Variants in MBNL1 observed in about 807,000 individuals in gnomAD.
MBNL1 encodes the protein muscleblind like splicing regulator 1.
A neutral mutation model predicts 42.2 loss-of-function variants in MBNL1; 8 were observed. The ratio of observed to expected loss-of-function variants is 0.19; its 90% CI spans 0.11 to 0.34. MBNL1 has a LOEUF of 0.34. MBNL1 is among the 10% of genes least tolerant of loss of function. MBNL1 has a pLI of 1.00. For missense variants in MBNL1, 309 were observed against 495.3 expected (o/e 0.62, Z 3.57); for synonymous variants, 169 against 173.9 (o/e 0.97, Z 0.22).
rs78274694 is a variant in MBNL1 at position 152,245,197 on chromosome 3, C to A, written n.333+757C>A. Among the ~76,000 whole-genome samples the A allele has an allele frequency of 3.3e-5, 5 of 152,142 alleles. No individual in the cohort carries two copies. The East Asian group carries it at 9.6e-4, about 29-fold the overall frequency. ...AGTGAAATTCTAAAATAATCTAGATCCTAGAAACTTTTATTCAAATTTGCA... is the reference window on the plus strand; with the variant it reads ...AGTGAAATTCTAAAATAATCTAGATACTAGAAACTTTTATTCAAATTTGCA... On this transcript the variant is annotated intron_variant and non_coding_transcript_variant, in intron 2 of 2. Transcript: ENST00000477171.
At chr3:152,406,312 A>G (rs1475738729) in intron 2 of MBNL1, among the ~76,000 whole-genome samples, 1 of 152,268 alleles carries the variant, frequency 6.6e-6, no homozygotes, top group African/African-American at 2.4e-5. Context: ...ATCACAAGCA[A>G]CTCTAAATAG....
intron 2 of MBNL1, among the ~76,000 whole-genome samples, chr3:152,252,168 C>CT (rs1037142533): frequency 3.4e-5 from 5 of 146,138 alleles, no homozygotes; most frequent in African/African-American, 1.3e-4. Flanking sequence ...TCCTTCCTTC[C>CT]TTCCTTCCTT....
At chr3:152,424,542 T>C (rs111645442) in intron 3 of MBNL1, among the ~76,000 whole-genome samples, 2 of 151,790 alleles carry the variant, frequency 1.3e-5, no homozygotes, top group African/African-American at 2.4e-5. Flanking sequence ...CAAGCTACCA[T>C]TGACTTTCTT....
chr3:152,302,820 T>C (rs1029048789), intron 2 of MBNL1, among the ~76,000 whole-genome samples: 5 of 152,116 alleles, frequency 3.3e-5, no homozygotes, highest in African/African-American at 1.2e-4. Context: ...TCCAGCCTTT[T>C]CTGAGTTCTT....
At chr3:152,442,402 A>G (rs2099156574) in intron 4 of MBNL1, among the ~76,000 whole-genome samples, 1 of 152,180 alleles carries the variant, frequency 6.6e-6, no homozygotes, top group Admixed American at 6.5e-5. Flanking sequence ...CTATAATTAC[A>G]ATTATTTTTA....
At chr3:152,356,853 T>A (rs2095555011) in intron 2 of MBNL1, among the ~76,000 whole-genome samples, 1 of 73,794 alleles carries the variant, frequency 1.4e-5, no homozygotes, top group Admixed American at 1.4e-4. Flanking sequence ...GGCATATGTG[T>A]GTAGTGTGTG....
Position 152,338,923 on chromosome 3 carries a change from G to A in MBNL1, c.174+38556G>A, listed in dbSNP as rs1384452293. On this transcript the variant is annotated intron_variant, in intron 2 of 9. Transcript: ENST00000324210. ...TTTAAATATTCAATTTTTTTTATTC[G>A]GACTCTGTGAAGCACTTTTTCACAA... Among the ~76,000 whole-genome samples, 6 of 151,242 alleles carry A rather than the reference G, an allele frequency of 4.0e-5. No homozygotes were observed. In the East Asian group the frequency reaches 7.7e-4, roughly 19 times the overall value.
At chr3:152,412,680 C>T (rs915831636) in intron 2 of MBNL1, among the ~76,000 whole-genome samples, 2 of 152,092 alleles carry the variant, frequency 1.3e-5, no homozygotes, top group African/African-American at 2.4e-5. Flanking sequence ...CGTGATTTCT[C>T]TCTGTTATTT....
intron 2 of MBNL1, among the ~76,000 whole-genome samples, chr3:152,320,932 G>A (rs953822443): frequency 1.3e-5 from 2 of 151,914 alleles, no homozygotes; most frequent in African/African-American, 4.8e-5. Flanking sequence ...TTCCAACTGT[G>A]AATACTTTAT....
chr3:152,419,685 T>TTTTGTTTGTTTG (rs137968164), intron 3 of MBNL1, among the ~76,000 whole-genome samples: 2 of 149,194 alleles, frequency 1.3e-5, no homozygotes, highest in African/African-American at 5.0e-5. Context: ...GCAGGAGTTT[T>TTTTGTTTGTTTG]TTTGTTTGTT....
intron 2 of MBNL1, among the ~76,000 whole-genome samples, chr3:152,366,298 T>C (rs1431149647): frequency 6.6e-6 from 1 of 152,148 alleles, no homozygotes; most frequent in Non-Finnish European, 1.5e-5. Flanking sequence ...ATATCTGTGA[T>C]TTCAGGACAT....
At chr3:152,429,881 T>A (rs573846193) in intron 3 of MBNL1, among the ~76,000 whole-genome samples, 7 of 152,214 alleles carry the variant, frequency 4.6e-5, no homozygotes, top group Non-Finnish European at 1.0e-4. Context: ...ATTGTCTGCC[T>A]GTTCGGCAAA....
At chr3:152,419,246 T>C (rs2098757892) in intron 3 of MBNL1, among the ~76,000 whole-genome samples, 1 of 152,086 alleles carries the variant, frequency 6.6e-6, no homozygotes, top group Non-Finnish European at 1.5e-5. Flanking sequence ...GTTTAATTAT[T>C]TAAATTTAAA....
At chr3:152,364,066 C>T (rs985780593) in intron 2 of MBNL1, among the ~76,000 whole-genome samples, 2 of 152,036 alleles carry the variant, frequency 1.3e-5, no homozygotes, top group African/African-American at 2.4e-5. Flanking sequence ...GCATTTTTTT[C>T]CCTACAATAC....
At chr3:152,274,222 A>T (rs2043550216) in intron 1 of MBNL1, among the ~76,000 whole-genome samples, 1 of 104,076 alleles carries the variant, frequency 9.6e-6, no homozygotes, top group Non-Finnish European at 2.2e-5. Flanking sequence ...TTCTAGATTT[A>T]TGGGGACATT....
At chr3:152,407,742 A>G (rs530064066) in intron 2 of MBNL1, among the ~76,000 whole-genome samples, 1 of 152,316 alleles carries the variant, frequency 6.6e-6, no homozygotes, top group South Asian at 2.1e-4. Context: ...ATGCCCATCA[A>G]TGATAGACTG....
chr3:152,301,672 A>G (rs2060773405), intron 2 of MBNL1, among the ~76,000 whole-genome samples: 1 of 152,316 alleles, frequency 6.6e-6, no homozygotes, highest in South Asian at 2.1e-4. Flanking sequence ...CAATAAGCAA[A>G]AGTTATAAAC....
At chr3:152,441,664 C>T (rs1055248193) in intron 4 of MBNL1, among the ~76,000 whole-genome samples, 3 of 152,150 alleles carry the variant, frequency 2.0e-5, no homozygotes, top group African/African-American at 7.2e-5. Flanking sequence ...TAAATGTTTT[C>T]AGTGAATATC....
chr3:152,275,785 G>C (rs1335884020), intron 1 of MBNL1, among the ~76,000 whole-genome samples: 1 of 150,746 alleles, frequency 6.6e-6, no homozygotes, highest in African/African-American at 2.4e-5. Flanking sequence ...CCTCATTAGA[G>C]GATACATGAG....
Sources: allele counts gnomAD v4.1 joint callset (sites outside exome capture counted in the v4.1 genomes callset), GRCh38; gene constraint gnomAD v4.1.1; transcripts MANE v1.5; gene names NCBI Gene and HGNC (gene_info 2026-07-23, HGNC 2026-07-21).